The following MED6 variants were observed in gnomAD, a reference collection of about 807,000 sequenced individuals.
The protein encoded by MED6 is mediator of RNA polymerase II transcription subunit 6.
In MED6, 33 loss-of-function variants were observed where a neutral mutation model predicts 37.5. The observed-to-expected ratio is 0.88, with a 90% CI of 0.67 to 1.18. The LOEUF (loss-of-function observed/expected upper bound fraction) is 1.18, where lower values mean the gene tolerates loss of function less well. Among genes scored for constraint, MED6 ranks in the 50% most tolerant of loss-of-function variants. MED6 has a pLI of 0.00. For synonymous variants in MED6, 94 were observed against 93.6 expected (o/e 1.00, Z -0.02); for missense variants, 235 against 290.6 (o/e 0.81, Z 1.39).
At chr14:70,595,009 G>A (rs1311681191) in intron 3 of MED6, 4 of 579,868 alleles carry the variant, frequency 6.9e-6, no homozygotes, top group Non-Finnish European at 1.4e-5. Flanking sequence ...TGCCCACATT[G>A]TTCTGCAGAT....
intron 5 of MED6, chr14:70,591,590 T>TA: frequency 4.3e-6 from 2 of 461,548 alleles, no homozygotes; most frequent in Non-Finnish European, 7.6e-6. Flanking sequence ...TTCTAACATT[T>TA]AAGCTGATAC....
At position 70,583,910 on chromosome 14, in the gene MED6, T is replaced by C. The variant is rs1884619984; in HGVS notation, c.*903A>G. ...TACCAGCAAGAAGGCCCTCACCAGA[T>C]GGAGCCAATCAATGCTGGACTTCTC... On this transcript the variant is annotated 3_prime_UTR_variant, in exon 8 of 8. Coordinates refer to ENST00000256379, the MANE Select transcript of MED6 (RefSeq NM_005466.4). 1 of 408,888 alleles carries C rather than the reference T, an allele frequency of 2.4e-6. No homozygotes were observed. Among genetic ancestry groups the C allele is most frequent in the Non-Finnish European group, 4.3e-6 (1 of 232,374 alleles). The allele number at this position is 408,888 out of a possible 1,614,324, so 25.3% of individuals were successfully genotyped here. A position where few individuals can be genotyped will look rare whatever the true frequency, so the allele number is the denominator to read the frequency against.
Position 70,584,642 on chromosome 14 carries a change from C to T in MED6, c.*171G>A. 1 of 787,270 alleles carries T rather than the reference C, an allele frequency of 1.3e-6. No homozygotes were observed. The highest frequency in any genetic ancestry group is 2.1e-5 in the South Asian group (1 of 47,180). 48.8% of individuals were successfully genotyped at this position (787,270 alleles called of 1,614,324 possible). A position where few individuals can be genotyped will look rare whatever the true frequency, so the allele number is the denominator to read the frequency against. The stretch of plus-strand genomic sequence containing the variant: ...CCACCCGCCATGGCCTCCCAAAGTG[C>T]TGGGATTACAGGCGTGAGCCACCAC... On this transcript the variant is annotated 3_prime_UTR_variant, in exon 8 of 8. Transcript: ENST00000256379.
chr14:70,592,860 G>T lies in MED6; in HGVS notation c.466+20C>A. The stretch of plus-strand genomic sequence containing the variant: ...AGAGGATCAAAAAGTGTTTTAGGAG[G>T]GTATGGATGTTCTACTTACCTTGCT... On this transcript the variant is annotated intron_variant, in intron 5 of 7. Transcript: ENST00000256379. 6.2e-7 allele frequency: 1 copy of T among 1,612,356 alleles called. No homozygotes were observed. Among genetic ancestry groups the T allele is most frequent in the Non-Finnish European group, 8.5e-7 (1 of 1,179,104 alleles).
chr14:70,600,465 T>C, intron 1 of MED6, 151 bp downstream of exon 1: 1 of 684,714 alleles, frequency 1.5e-6, no homozygotes, highest in Non-Finnish European at 2.3e-6. Context: ...CGTCAACGTT[T>C]CGCTAGATCA....
chr14:70,594,716 C>A (rs78825231), intron 3 of MED6: 6,007 of 463,086 alleles, frequency 0.013, 307 homozygotes, highest in African/African-American at 0.11. Flanking sequence ...GTTTCCAGGG[C>A]AGCTTGGGGT....
intron 3 of MED6, chr14:70,594,526 T>A (rs1053689638): frequency 2.7e-6 from 1 of 366,716 alleles, no homozygotes; most frequent in Non-Finnish European, 5.4e-6. Context: ...CTGAGTCCTG[T>A]CCTCTCACTC....
intron 1 of MED6, 28 bp from the exon 2 acceptor site, chr14:70,597,805 G>A (rs1013429356): frequency 1.3e-6 from 2 of 1,513,160 alleles, no homozygotes; most frequent in African/African-American, 1.5e-5. Context: ...AAATGATAAA[G>A]GATTAGAAAA....
intron 3 of MED6, chr14:70,595,678 G>A (rs780627852): frequency 5.5e-5 from 51 of 927,638 alleles, no homozygotes; most frequent in Admixed American, 2.3e-4. Flanking sequence ...ACCACCTACC[G>A]CCGCCTGCTG....
Position 70,592,894 on chromosome 14 carries a change from T to A in MED6, c.452A>T (p.Asp151Val), listed in dbSNP as rs148802408. 2.4e-5 allele frequency: 39 copies of A among 1,613,748 alleles called. No homozygotes were observed. The highest frequency in any genetic ancestry group is 3.3e-5 in the Non-Finnish European group (39 of 1,179,846). ...PSKGYWWHFK[D>V]HEEQDKVRPK... Reference sequence around the variant, plus strand: ...GTTCTACTTACCTTGCTCTTCATGATCTTTGAAGTGCCACCAATACCCTTT... The same window carrying A: ...GTTCTACTTACCTTGCTCTTCATGAACTTTGAAGTGCCACCAATACCCTTT... The change falls in exon 5 of 8, where the codon GAT (aspartate) becomes GTT (valine). Residue 151 changes from aspartate to valine, a missense_variant. Coordinates refer to ENST00000256379, the MANE Select transcript of MED6 (RefSeq NM_005466.4).
At chr14:70,600,466 C>G in intron 1 of MED6, 150 bp downstream of exon 1, 1 of 676,792 alleles carries the variant, frequency 1.5e-6, no homozygotes, top group Non-Finnish European at 2.3e-6. Context: ...GTCAACGTTT[C>G]GCTAGATCAC....
Position 70,596,686 on chromosome 14 carries a change from C to T in MED6, c.199G>A (p.Glu67Lys), listed in dbSNP as rs746111754. ...TCTTGAGCATGCAAAAGGATGTACTCGATTCCAACCATCTGACTGAAAACA... is the reference window on the plus strand; with the variant it reads ...TCTTGAGCATGCAAAAGGATGTACTTGATTCCAACCATCTGACTGAAAACA... ...LEHLNQMVGI[E>K]YILLHAQEPI... Residue 67 changes from glutamate (E) to lysine (K), a missense_variant, in exon 3 of 8, where the codon GAG (glutamate) becomes AAG (lysine). Glu to Lys is a moderately conservative substitution (Grantham distance 56). Transcript: ENST00000256379. 6.2e-7 allele frequency: 1 copy of T among 1,613,596 alleles called. No homozygotes were observed. Among genetic ancestry groups the T allele is most frequent in the Non-Finnish European group, 8.5e-7 (1 of 1,179,652 alleles).
chr14:70,594,590 G>T, intron 3 of MED6: 2 of 414,218 alleles, frequency 4.8e-6, no homozygotes, highest in Non-Finnish European at 4.7e-6. Flanking sequence ...CCAACTACTG[G>T]TCCCTGGGCT....
rs74639031 is a variant in MED6 at position 70,583,905 on chromosome 14, C to T, written c.*908G>A. 2.5e-6 allele frequency: 1 copy of T among 403,894 alleles called. No individual in the cohort carries two copies. Among genetic ancestry groups the T allele is most frequent in the Non-Finnish European group, 4.4e-6 (1 of 229,468 alleles). The allele number at this position is 403,894 out of a possible 1,614,324, so 25.0% of individuals were successfully genotyped here. A position where few individuals can be genotyped will look rare whatever the true frequency, so the allele number is the denominator to read the frequency against. ...CTTCCTACCAGCAAGAAGGCCCTCACCAGATGGAGCCAATCAATGCTGGAC... is the reference window on the plus strand; with the variant it reads ...CTTCCTACCAGCAAGAAGGCCCTCATCAGATGGAGCCAATCAATGCTGGAC... On this transcript the variant is annotated 3_prime_UTR_variant, in exon 8 of 8. Coordinates refer to ENST00000256379, the MANE Select transcript of MED6 (RefSeq NM_005466.4).
intron 3 of MED6, chr14:70,594,705 G>A (rs899279826): frequency 3.3e-5 from 15 of 458,766 alleles, no homozygotes; most frequent in East Asian, 1.4e-4. Context: ...CCGCTCCACC[G>A]GTTTCCAGGG....
intron 3 of MED6, among the ~76,000 whole-genome samples, 181 bp from the exon 4 acceptor site, chr14:70,593,559 C>T (rs182113406): frequency 1.9e-4 from 29 of 152,296 alleles, no homozygotes; most frequent in African/African-American, 6.3e-4. Flanking sequence ...TCTATGGCTG[C>T]TCTGGCAATA....
In MED6 at chr14:70,597,554, T is replaced by C. The variant is rs887811003; in HGVS notation, c.182+64A>G. The C allele has an allele frequency of 4.4e-5, 58 of 1,330,404 alleles. No individual in the cohort carries two copies. In the South Asian group the frequency reaches 1.2e-3, roughly 26 times the overall value. The allele number at this position is 1,330,404 out of a possible 1,614,324, so 82.4% of individuals were successfully genotyped here. The stretch of plus-strand genomic sequence containing the variant: ...ACTCTGCACTTCATGATCCACAGTT[T>C]GAAAGAACTGTTCATTGCAAAACTT... On this transcript the variant is annotated intron_variant, in intron 2 of 7. Coordinates refer to ENST00000256379, the MANE Select transcript of MED6 (RefSeq NM_005466.4).
chr14:70,589,066 T>A (rs1047595943), intron 6 of MED6, among the ~76,000 whole-genome samples: 4 of 152,186 alleles, frequency 2.6e-5, no homozygotes, highest in Non-Finnish European at 5.9e-5. Flanking sequence ...AACTACCGAA[T>A]GTTCTTTAGG....
intron 3 of MED6, among the ~76,000 whole-genome samples, chr14:70,593,608 C>G (rs1178219293): frequency 6.6e-6 from 1 of 152,190 alleles, no homozygotes; most frequent in African/African-American, 2.4e-5. Flanking sequence ...CCCACAAACC[C>G]CAAGTATTTA....
Sources: allele counts gnomAD v4.1 joint callset (sites outside exome capture counted in the v4.1 genomes callset), GRCh38; gene constraint gnomAD v4.1.1; transcripts MANE v1.5; gene names NCBI Gene and HGNC (gene_info 2026-07-23, HGNC 2026-07-21).